The following HPSE2 variants were observed in gnomAD, a reference collection of about 807,000 sequenced individuals.
HPSE2 encodes the protein heparanase 2 (inactive), also known as inactive heparanase-2.
A neutral mutation model predicts 60.5 loss-of-function variants in HPSE2; 38 were observed. The ratio of observed to expected loss-of-function variants is 0.63; its 90% CI spans 0.48 to 0.82. The LOEUF is 0.82. Ranked by LOEUF, HPSE2 falls within the 40% of genes least tolerant of loss-of-function variation. The probability of loss-of-function intolerance (pLI) is 0.00; values close to 1 mark genes in which losing one functional copy is unlikely to be tolerated. For synonymous variants in HPSE2, 295 were observed against 293.2 expected, an observed-to-expected ratio of 1.01 and a Z score of -0.06; for missense variants, 713 against 740.4, an observed-to-expected ratio of 0.96 and a Z score of 0.43.
At chr10:99,007,265 AG>A (rs1258851407) in intron 3 of HPSE2, among the ~76,000 whole-genome samples, 1 of 152,010 alleles carries the variant, frequency 6.6e-6, no homozygotes, top group Non-Finnish European at 1.5e-5. Context: ...TGGGGCTGTG[AG>A]GGCTTGTGTG....
chr10:98,600,929 A>ATATATG (rs1945404774), intron 9 of HPSE2, among the ~76,000 whole-genome samples: 1 of 70,548 alleles, frequency 1.4e-5, no homozygotes, highest in South Asian at 7.2e-4. Flanking sequence ...ATATATATAT[A>ATATATG]TATATATATA....
intron 3 of HPSE2, among the ~76,000 whole-genome samples, chr10:98,816,579 G>A (rs888106435): frequency 1.3e-5 from 2 of 152,146 alleles, no homozygotes; most frequent in African/African-American, 2.4e-5. Flanking sequence ...GGAATGTTTC[G>A]ATAGACTTGG....
intron 7 of HPSE2, among the ~76,000 whole-genome samples, chr10:98,630,220 CAG>C (rs1446652467): frequency 9.5e-5 from 13 of 136,644 alleles, no homozygotes; most frequent in Admixed American, 9.4e-4. Context: ...GTTTTTGAGA[CAG>C]AGTCTCGCTC....
intron 3 of HPSE2, among the ~76,000 whole-genome samples, chr10:98,842,458 T>A (rs1951937417): frequency 1.3e-5 from 2 of 151,890 alleles, no homozygotes; most frequent in Non-Finnish European, 2.9e-5. Flanking sequence ...GTCAATGATG[T>A]AAAGTTGAAT....
chr10:99,012,431 C>T (rs1309186832), intron 3 of HPSE2, among the ~76,000 whole-genome samples: 2 of 146,460 alleles, frequency 1.4e-5, no homozygotes, highest in Admixed American at 6.9e-5. Context: ...TTTCCTTTTC[C>T]TTTTTTTTTT....
At chr10:98,740,180 CT>C (rs10593031) in intron 4 of HPSE2, among the ~76,000 whole-genome samples, 112,918 of 130,184 alleles carry the variant, frequency 0.87, 49,128 homozygotes, top group South Asian at 0.96. Flanking sequence ...TTTCTTTTGT[CT>C]TTTTTTTTTT....
chr10:99,309,683 T>C, the HPSE2 span, among the ~76,000 whole-genome samples: 1 of 152,174 alleles, frequency 6.6e-6, no homozygotes, highest in Non-Finnish European at 1.5e-5. Flanking sequence ...CTGCCACAAG[T>C]CCATATGGCC....
chr10:98,947,902 T>A (rs1244317759), intron 3 of HPSE2, among the ~76,000 whole-genome samples: 2 of 152,102 alleles, frequency 1.3e-5, no homozygotes, highest in East Asian at 3.9e-4. Flanking sequence ...GCTTTTAAAG[T>A]TCTTTTGATA....
intron 4 of HPSE2, among the ~76,000 whole-genome samples, chr10:98,734,566 G>A (rs1949303383): frequency 1.3e-5 from 2 of 152,034 alleles, no homozygotes; most frequent in Admixed American, 1.3e-4. Flanking sequence ...AGTGTGAAGT[G>A]GTATTTAATT....
chr10:99,098,320 G>T (rs180921773), intron 3 of HPSE2, among the ~76,000 whole-genome samples: 3 of 152,266 alleles, frequency 2.0e-5, no homozygotes, highest in Non-Finnish European at 2.9e-5. Flanking sequence ...GATGTGTGTA[G>T]GTTATATGAA....
At chr10:99,184,624 GTAA>G (rs1211332497) in intron 2 of HPSE2, among the ~76,000 whole-genome samples, 9 of 144,670 alleles carry the variant, frequency 6.2e-5, no homozygotes, top group Non-Finnish European at 1.2e-4. Context: ...AAACAGGAGA[GTAA>G]TAATGAGAAC....
chr10:99,134,570 A>G (rs930974109), intron 3 of HPSE2, among the ~76,000 whole-genome samples: 1 of 152,246 alleles, frequency 6.6e-6, no homozygotes, highest in African/African-American at 2.4e-5. Flanking sequence ...AATATTCAAC[A>G]TTCTTAAAGA....
At position 98,895,495 on chromosome 10, in the gene HPSE2, T is replaced by C. The variant is rs193212478; in HGVS notation, c.611-151439A>G. On this transcript the variant is annotated intron_variant, in intron 3 of 11. Coordinates refer to ENST00000370552, the MANE Select transcript of HPSE2 (RefSeq NM_021828.5). Reference sequence around the variant, plus strand: ...CTCTGTGTAAAGGTAATCACATTCATTGAGAAAGTTTAGGAAGATTCAGAT... The same window carrying C: ...CTCTGTGTAAAGGTAATCACATTCACTGAGAAAGTTTAGGAAGATTCAGAT... 1.6e-4 allele frequency among the ~76,000 whole-genome samples: 25 copies of C among 152,296 alleles called. No homozygotes were observed. The East Asian group carries it at 4.6e-3, about 28-fold the overall frequency.
chr10:98,894,113 A>T (rs1018716889), intron 3 of HPSE2, among the ~76,000 whole-genome samples: 8 of 152,214 alleles, frequency 5.3e-5, no homozygotes, highest in African/African-American at 1.9e-4. Context: ...CTTATTATTT[A>T]TTCTTAAGTG....
intron 3 of HPSE2, among the ~76,000 whole-genome samples, chr10:99,057,139 T>C (rs1370867771): frequency 2.6e-5 from 4 of 152,184 alleles, no homozygotes; most frequent in Non-Finnish European, 5.9e-5. Context: ...CATAGGTGTA[T>C]AATTTTATCA....
At chr10:99,159,874 C>T (rs1052808559) in intron 2 of HPSE2, among the ~76,000 whole-genome samples, 12 of 152,150 alleles carry the variant, frequency 7.9e-5, no homozygotes, top group African/African-American at 2.4e-4. Flanking sequence ...GGCATGGTGG[C>T]TCACATCTGT....
intron 2 of HPSE2, among the ~76,000 whole-genome samples, chr10:99,180,751 G>C (rs763100794): frequency 6.6e-6 from 1 of 151,820 alleles, no homozygotes; most frequent in Non-Finnish European, 1.5e-5. Flanking sequence ...TTAGCCAGGC[G>C]TGGTGATAGG....
chr10:99,162,334 G>A (rs537771871), intron 2 of HPSE2, among the ~76,000 whole-genome samples: 36 of 152,310 alleles, frequency 2.4e-4, no homozygotes, highest in African/African-American at 8.4e-4. Context: ...GTTACATCAT[G>A]TATATTCTGC....
chr10:99,074,612 C>T (rs543969758), intron 3 of HPSE2, among the ~76,000 whole-genome samples: 11 of 152,120 alleles, frequency 7.2e-5, no homozygotes, highest in South Asian at 4.1e-4. Flanking sequence ...TGTTTTTGGA[C>T]GAGTTTGAGA....
Sources: allele counts gnomAD v4.1 joint callset (sites outside exome capture counted in the v4.1 genomes callset), GRCh38; gene constraint gnomAD v4.1.1; transcripts MANE v1.5; gene names NCBI Gene and HGNC (gene_info 2026-07-23, HGNC 2026-07-21).